SH3PXD2A: variants seen among roughly 807,000 people sequenced by gnomAD.
SH3PXD2A encodes SH3 and PX domains 2A, also known as SH3 and PX domain-containing protein 2A.
In SH3PXD2A, 32 loss-of-function variants were observed where a neutral mutation model predicts 115.2. The observed-to-expected ratio is 0.28, with a 90% CI of 0.21 to 0.37. The LOEUF is 0.37. Among genes scored for constraint, SH3PXD2A ranks in the 10% least tolerant of loss-of-function variants. SH3PXD2A has a pLI of 1.00. For synonymous variants in SH3PXD2A, 610 were observed against 629.1 expected (o/e 0.97, Z 0.45); for missense variants, 1,328 against 1,498.7 (o/e 0.89, Z 1.88).
At chr10:103,661,202 G>T in intron 7 of SH3PXD2A, 88 bp from the exon 8 acceptor site, 14 of 1,475,242 alleles carry the variant, frequency 9.5e-6, no homozygotes, top group South Asian at 1.3e-5. Context: ...CTCCTCGGGG[G>T]TGGCTGCTCT....
intron 8 of SH3PXD2A, among the ~76,000 whole-genome samples, chr10:103,649,172 A>C (rs2037082184): frequency 6.6e-6 from 1 of 152,144 alleles, no homozygotes; most frequent in African/African-American, 2.4e-5. Context: ...AGAACTGCAG[A>C]GATAAAGTGG....
At chr10:103,801,135 CT>C in intron 2 of SH3PXD2A, 146 bp downstream of exon 2, 1 of 610,756 alleles carries the variant, frequency 1.6e-6, no homozygotes, top group Non-Finnish European at 3.0e-6. Flanking sequence ...CCAGCTCCAC[CT>C]TCCAGCTTCC....
chr10:103,855,143 C>T (rs894180477), intron 1 of SH3PXD2A, 52 bp downstream of exon 1: 8 of 1,381,778 alleles, frequency 5.8e-6, no homozygotes, highest in Non-Finnish European at 7.9e-6. Context: ...CATCCGGGGC[C>T]CTCCCGGGAC....
At position 103,776,669 on chromosome 10, in the gene SH3PXD2A, G is replaced by A. The variant is rs578240331; in HGVS notation, c.154-9500C>T. On this transcript the variant is annotated intron_variant, in intron 2 of 14. Transcript: ENST00000369774. ...AGCTTCAGGGATGTAAGTCATCTAT[G>A]GCATTCCTTGGTTTGTAAAAAGGAG... 1.1e-4 allele frequency among the ~76,000 whole-genome samples: 16 copies of A among 152,122 alleles called. No homozygotes were observed. The East Asian group carries it at 2.7e-3, about 26-fold the overall frequency.
chr10:103,595,482 C>T lies in SH3PXD2A; in HGVS notation c.*6334G>A, dbSNP rs544979218. 6.6e-6 allele frequency: 1 copy of T among 152,388 alleles called. No homozygotes were observed. Among genetic ancestry groups the T allele is most frequent in the South Asian group, 2.1e-4 (1 of 4,822 alleles). The allele number at this position is 152,388 out of a possible 1,614,324, so 9.4% of individuals were successfully genotyped here. ...GTAGGCCCCAGCTACCCCAAACATGCACATGCTCTTCTCACCAACGTGCCT... is the reference window on the plus strand; with the variant it reads ...GTAGGCCCCAGCTACCCCAAACATGTACATGCTCTTCTCACCAACGTGCCT... On this transcript the variant is annotated 3_prime_UTR_variant, in exon 15 of 15. Transcript: ENST00000369774.
At chr10:103,760,629 T>C (rs1016908498) in intron 3 of SH3PXD2A, among the ~76,000 whole-genome samples, 20 of 150,874 alleles carry the variant, frequency 1.3e-4, no homozygotes, top group African/African-American at 4.8e-4. Flanking sequence ...AAATATACAA[T>C]ACAATATATG....
In SH3PXD2A at chr10:103,727,914, G is replaced by A. The variant is rs76315144; in HGVS notation, c.307-3553C>T. On this transcript the variant is annotated intron_variant, in intron 4 of 14. Coordinates refer to ENST00000369774, the MANE Select transcript of SH3PXD2A (RefSeq NM_001394015.1). ...GGCCAAAATCATTTGGCAGGAGAGAGTGATGCTGAGCAGTGAGTCCCCGCA... is the reference window on the plus strand; with the variant it reads ...GGCCAAAATCATTTGGCAGGAGAGAATGATGCTGAGCAGTGAGTCCCCGCA... Among the ~76,000 whole-genome samples, 631 of 152,380 alleles carry A rather than the reference G, an allele frequency of 4.1e-3. 9 individuals carry two copies. Among genetic ancestry groups the A allele is most frequent in the African/African-American group, 0.014 (591 of 41,592 alleles).
chr10:103,782,637 C>T (rs1482386660), intron 2 of SH3PXD2A, among the ~76,000 whole-genome samples: 1 of 151,930 alleles, frequency 6.6e-6, no homozygotes, highest in African/African-American at 2.4e-5. Flanking sequence ...CAAGATCCTG[C>T]TCTCTGAAAG....
chr10:103,623,504 G>A (rs1055032168), intron 9 of SH3PXD2A, among the ~76,000 whole-genome samples: 3 of 152,160 alleles, frequency 2.0e-5, no homozygotes, highest in Non-Finnish European at 4.4e-5. Context: ...CAGGCTGCCC[G>A]GGTCTGGGGG....
rs898192884 is a variant in SH3PXD2A, at chr10:103,600,738, A to C, written c.*1078T>G. ...TGCAACCTGGGGCTTGCCTAGCCCCAAATTTTTCTGGCAGGCGCCAAGCTC... is the reference window on the plus strand; with the variant it reads ...TGCAACCTGGGGCTTGCCTAGCCCCCAATTTTTCTGGCAGGCGCCAAGCTC... On this transcript the variant is annotated 3_prime_UTR_variant, in exon 15 of 15. Coordinates refer to ENST00000369774, the MANE Select transcript of SH3PXD2A (RefSeq NM_001394015.1). 6.6e-6 allele frequency: 1 copy of C among 152,246 alleles called. No homozygotes were observed. Among genetic ancestry groups the C allele is most frequent in the African/African-American group, 2.4e-5 (1 of 41,470 alleles). The allele number at this position is 152,246 out of a possible 1,614,324, so 9.4% of individuals were successfully genotyped here.
chr10:103,716,547 A>G (rs1266275940), intron 5 of SH3PXD2A, among the ~76,000 whole-genome samples: 2 of 152,194 alleles, frequency 1.3e-5, no homozygotes, highest in African/African-American at 4.8e-5. Context: ...GCAGGAAGAA[A>G]CAAGCCGAAG....
intron 4 of SH3PXD2A, among the ~76,000 whole-genome samples, chr10:103,734,530 CT>C (rs2038358447): frequency 6.6e-6 from 1 of 152,212 alleles, no homozygotes; most frequent in Admixed American, 6.5e-5. Flanking sequence ...AGGCAGATCA[CT>C]TGAGGCCAGG....
At chr10:103,744,214 C>A (rs1191474441) in intron 3 of SH3PXD2A, among the ~76,000 whole-genome samples, 2 of 149,614 alleles carry the variant, frequency 1.3e-5, no homozygotes, top group African/African-American at 4.9e-5. Context: ...AGTGCAATGG[C>A]ATGATCTCGG....
chr10:103,611,272 T>C (rs1186537188), intron 13 of SH3PXD2A, among the ~76,000 whole-genome samples: 1 of 152,212 alleles, frequency 6.6e-6, no homozygotes, highest in East Asian at 1.9e-4. Context: ...CCTCTGGCAA[T>C]GCCCTGGCTG....
At chr10:103,733,302 T>A (rs1226180389) in intron 4 of SH3PXD2A, among the ~76,000 whole-genome samples, 1 of 152,190 alleles carries the variant, frequency 6.6e-6, no homozygotes, top group Admixed American at 6.5e-5. Flanking sequence ...GGAGATAAGA[T>A]GCTATCACTT....
rs774410030 is a variant in SH3PXD2A at position 103,603,165 on chromosome 10, G to A, written c.2053C>T (p.His685Tyr). The A allele has an allele frequency of 2.5e-6, 4 of 1,613,720 alleles. No homozygotes were observed. The African/African-American group carries it at 4.0e-5, about 16-fold the overall frequency. Reference sequence around the variant, plus strand: ...GATGAGGAAAAGGAGGCTGAGGAGTGGTTCTTCCCCATTTCTGCCTGGGCA... The same window carrying A: ...GATGAGGAAAAGGAGGCTGAGGAGTAGTTCTTCCCCATTTCTGCCTGGGCA... ...KNAQAEMGKN[H>Y]SSASFSSSIT... The change falls in exon 15 of 15, where the codon CAC becomes TAC. Residue 685 changes from histidine to tyrosine, a missense_variant. Physicochemically the swap from His to Tyr is moderately conservative, Grantham distance 83 (BLOSUM62 2). Coordinates refer to ENST00000369774, the MANE Select transcript of SH3PXD2A (RefSeq NM_001394015.1).
chr10:103,818,694 T>C (rs2039347903), intron 1 of SH3PXD2A, among the ~76,000 whole-genome samples: 1 of 152,144 alleles, frequency 6.6e-6, no homozygotes, highest in South Asian at 2.1e-4. Context: ...CACTGGAAGA[T>C]CCTATGGCTA....
At chr10:103,726,661 G>A (rs1476240757) in intron 4 of SH3PXD2A, among the ~76,000 whole-genome samples, 1 of 152,126 alleles carries the variant, frequency 6.6e-6, no homozygotes, top group Non-Finnish European at 1.5e-5. Flanking sequence ...ACATGATAGT[G>A]GGGCAAAAAA....
At chr10:103,625,363 T>C (rs1407595575) in intron 9 of SH3PXD2A, among the ~76,000 whole-genome samples, 2 of 152,182 alleles carry the variant, frequency 1.3e-5, no homozygotes, top group African/African-American at 4.8e-5. Flanking sequence ...ACGAGCAAAA[T>C]GCTTCACAGA....
Sources: gnomAD v4.1 joint callset for allele counts (sites outside exome capture counted in the v4.1 genomes callset) on GRCh38, gnomAD v4.1.1 for gene constraint, MANE v1.5 for transcripts, NCBI Gene and HGNC (gene_info 2026-07-23, HGNC 2026-07-21) for gene names.